COL27A1: variants seen among roughly 807,000 people sequenced by gnomAD.
COL27A1 encodes collagen type XXVII alpha 1 chain, also known as collagen alpha-1(XXVII) chain.
A neutral mutation model predicts 251.3 loss-of-function variants in COL27A1; 106 were observed. The ratio of observed to expected loss-of-function variants is 0.42; its 90% CI spans 0.36 to 0.50. The LOEUF is 0.50. Ranked by LOEUF, COL27A1 falls within the 20% of genes least tolerant of loss-of-function variation. The pLI, the probability that COL27A1 is intolerant of heterozygous loss-of-function variation, is 0.00. For missense variants in COL27A1, 2,325 were observed against 2,522.8 expected (o/e 0.92, Z 1.68); for synonymous variants, 1,000 against 986.3 (o/e 1.01, Z -0.26).
intron 5 of COL27A1, among the ~76,000 whole-genome samples, chr9:114,188,128 GC>G (rs1424529116): frequency 1.0e-3 from 159 of 152,358 alleles, no homozygotes; most frequent in African/African-American, 3.7e-3. Context: ...GCACAGCAGG[GC>G]TACCCCATAG....
intron 41 of COL27A1, among the ~76,000 whole-genome samples, chr9:114,285,566 G>C (rs975021034): frequency 1.3e-5 from 2 of 152,112 alleles, no homozygotes; most frequent in Admixed American, 6.5e-5. Context: ...TTCTTTTGCT[G>C]AGTCAGCTCC....
At position 114,240,450 on chromosome 9, in the gene COL27A1, G is replaced by A. The variant is rs1454488028; in HGVS notation, c.2798G>A (p.Arg933Gln). ...TCTCCCCAGGGTAAGCCTGGAGCCC[G>A]AGGCCTGCCGGGACCCCGTGGGCAG... ...PEGMKGKPGA[R>Q]GLPGPRGQLG... The change falls in exon 21 of 61, where the codon CGA becomes CAA. Residue 933 changes from arginine to glutamine, a missense_variant. Coordinates refer to ENST00000356083, the MANE Select transcript of COL27A1 (RefSeq NM_032888.4). The A allele has an allele frequency of 5.0e-6, 8 of 1,612,954 alleles. No homozygotes were observed. Among genetic ancestry groups the A allele is most frequent in the African/African-American group, 1.3e-5 (1 of 74,906 alleles).
At chr9:114,292,355 A>G (rs1374203421) in intron 49 of COL27A1, 145 bp downstream of exon 49, 6 of 688,318 alleles carry the variant, frequency 8.7e-6, no homozygotes, top group South Asian at 1.7e-5. Context: ...GTGACAAGGT[A>G]TAAAATCTGG....
At chr9:114,294,745 C>T (rs558599471) in intron 49 of COL27A1, among the ~76,000 whole-genome samples, 3 of 152,312 alleles carry the variant, frequency 2.0e-5, no homozygotes, top group African/African-American at 7.2e-5. Flanking sequence ...TAGTGATTGA[C>T]TGAATGCTTT....
In COL27A1 at chr9:114,242,083, G is replaced by T. The variant is rs76557553; in HGVS notation, c.2836-104G>T. The T allele has an allele frequency of 4.1e-3, 4,112 of 997,986 alleles. 120 individuals carry two copies. In the African/African-American group the frequency reaches 0.06, roughly 15 times the overall value. 61.8% of individuals were successfully genotyped at this position (997,986 alleles called of 1,614,324 possible). On this transcript the variant is annotated intron_variant, in intron 21 of 60. Transcript: ENST00000356083. Reference sequence around the variant, plus strand: ...GTGCTGTTTCCCTTTGTCCAGGAGGGCTCTCCTCTGTCCATCCCTTTCCCT... The same window carrying T: ...GTGCTGTTTCCCTTTGTCCAGGAGGTCTCTCCTCTGTCCATCCCTTTCCCT...
At chr9:114,246,761 A>G (rs1244472140) in intron 24 of COL27A1, among the ~76,000 whole-genome samples, 1 of 152,082 alleles carries the variant, frequency 6.6e-6, no homozygotes, top group East Asian at 1.9e-4. Flanking sequence ...GAATTAAAAC[A>G]GGGGGAGGCC....
At chr9:114,285,459 C>T (rs914543132) in intron 41 of COL27A1, among the ~76,000 whole-genome samples, 1 of 152,168 alleles carries the variant, frequency 6.6e-6, no homozygotes, top group African/African-American at 2.4e-5. Flanking sequence ...TAAGTCCTAC[C>T]TTCGTCGCCT....
intron 27 of COL27A1, among the ~76,000 whole-genome samples, chr9:114,253,391 A>G (rs1323230559): frequency 7.5e-6 from 1 of 132,516 alleles, no homozygotes; most frequent in Admixed American, 7.2e-5. Context: ...GAAAGAAAAA[A>G]GAAAGAGGAA....
intron 6 of COL27A1, 150 bp downstream of exon 6, chr9:114,194,607 T>A: frequency 1.4e-6 from 1 of 710,564 alleles, no homozygotes; most frequent in African/African-American, 1.8e-5. Context: ...ATGGTTTGGT[T>A]TTTTCCTTGA....
At chr9:114,172,154 G>A (rs1849367307) in intron 3 of COL27A1, among the ~76,000 whole-genome samples, 1 of 152,218 alleles carries the variant, frequency 6.6e-6, no homozygotes, top group Admixed American at 6.5e-5. Context: ...CCACTGTGTA[G>A]CAGATGGCAA....
intron 48 of COL27A1, among the ~76,000 whole-genome samples, chr9:114,291,827 G>A (rs898947328): frequency 1.3e-5 from 2 of 152,196 alleles, no homozygotes; most frequent in Non-Finnish European, 2.9e-5. Context: ...GGAACTGCAT[G>A]CTGTTGGGGA....
At chr9:114,236,787 C>T (rs60721485) in intron 17 of COL27A1, among the ~76,000 whole-genome samples, 194 bp from the exon 18 acceptor site, 3,743 of 152,258 alleles carry the variant, frequency 0.025, 79 homozygotes, top group South Asian at 0.071. Flanking sequence ...TTAGCATTTC[C>T]TGGGGCCCAG....
intron 4 of COL27A1, among the ~76,000 whole-genome samples, chr9:114,179,987 C>T (rs922469596): frequency 5.3e-5 from 8 of 152,024 alleles, no homozygotes; most frequent in African/African-American, 1.2e-4. Context: ...TACAAGCACA[C>T]GCCCCCGGGC....
At chr9:114,245,679 G>A (rs573498290) in intron 23 of COL27A1, among the ~76,000 whole-genome samples, 187 bp from the exon 24 acceptor site, 1 of 152,334 alleles carries the variant, frequency 6.6e-6, no homozygotes, top group African/African-American at 2.4e-5. Context: ...ATGTCTGCCT[G>A]AGGTTCTGTC....
chr9:114,265,286 C>T, intron 31 of COL27A1, 136 bp from the exon 32 acceptor site: 1 of 1,108,306 alleles, frequency 9.0e-7, no homozygotes, highest in Non-Finnish European at 1.3e-6. Context: ...CCTCTCTTCT[C>T]TGGGTCTCAG....
chr9:114,230,457 C>T (rs757354954), intron 14 of COL27A1, among the ~76,000 whole-genome samples: 18 of 152,166 alleles, frequency 1.2e-4, no homozygotes, highest in Admixed American at 2.6e-4. Context: ...CTTTCTAGGT[C>T]GGGAACTCCA....
At chr9:114,268,988 A>G (rs1834934016) in intron 34 of COL27A1, 2 of 437,648 alleles carry the variant, frequency 4.6e-6, no homozygotes, top group South Asian at 8.7e-5. Flanking sequence ...ACAGTTAGTT[A>G]TTAATAGGAT....
chr9:114,288,600 C>A, intron 42 of COL27A1, 89 bp downstream of exon 42: 1 of 1,543,804 alleles, frequency 6.5e-7, no homozygotes, highest in Non-Finnish European at 8.8e-7. Context: ...CGATCAGGGG[C>A]CAGGTCCCTG....
chr9:114,266,674 T>G, intron 33 of COL27A1, 56 bp downstream of exon 33: 1 of 1,467,906 alleles, frequency 6.8e-7, no homozygotes, highest in Non-Finnish European at 9.5e-7. Context: ...GTATCAGCCC[T>G]TCCCTTCCCT....
Sources: gnomAD v4.1 joint callset for allele counts (sites outside exome capture counted in the v4.1 genomes callset) on GRCh38, gnomAD v4.1.1 for gene constraint, MANE v1.5 for transcripts, NCBI Gene and HGNC (gene_info 2026-07-23, HGNC 2026-07-21) for gene names.